Variants in SERINC1 observed in about 807,000 individuals in gnomAD.
SERINC1 encodes the protein serine incorporator 1.
Under a neutral mutation model 52.9 loss-of-function variants are expected in SERINC1, and 38 were observed. The observed-to-expected ratio is 0.72, with a 90% CI of 0.55 to 0.94. The LOEUF is 0.94. SERINC1 is among the 40% of genes least tolerant of loss of function. The probability of loss-of-function intolerance (pLI) is 0.00; values close to 1 mark genes in which losing one functional copy is unlikely to be tolerated. For synonymous variants in SERINC1, 198 were observed against 183.1 expected, an observed-to-expected ratio of 1.08 and a Z score of -0.66; for missense variants, 471 against 533.9, an observed-to-expected ratio of 0.88 and a Z score of 1.16.
chr6:122,465,164 G>C (rs1258100961), intron 1 of SERINC1, among the ~76,000 whole-genome samples: 1 of 152,118 alleles, frequency 6.6e-6, no homozygotes, highest in Non-Finnish European at 1.5e-5. Flanking sequence ...AACCTTAACA[G>C]AGAAAGCTGA....
intron 1 of SERINC1, among the ~76,000 whole-genome samples, chr6:122,460,828 T>A (rs1775088766): frequency 6.6e-6 from 1 of 152,170 alleles, no homozygotes; most frequent in African/African-American, 2.4e-5. Flanking sequence ...GTTAAGTATA[T>A]ATCACATGCT....
chr6:122,460,663 C>G lies in SERINC1; in HGVS notation c.40-1982G>C, dbSNP rs565602487. On this transcript the variant is annotated intron_variant, in intron 1 of 9. Transcript: ENST00000339697. ...AAATAAAAGTATATCCAGCGCTGATCAAGGAAAAATTTACACTGGAAAGCT... is the reference window on the plus strand; with the variant it reads ...AAATAAAAGTATATCCAGCGCTGATGAAGGAAAAATTTACACTGGAAAGCT... 2.6e-5 allele frequency among the ~76,000 whole-genome samples: 4 copies of G among 152,200 alleles called. No homozygotes were observed. In the South Asian group the frequency reaches 8.3e-4, roughly 32 times the overall value.
At chr6:122,447,083 T>G in intron 8 of SERINC1, 38 bp downstream of exon 8, 1 of 1,594,030 alleles carries the variant, frequency 6.3e-7, no homozygotes, top group Non-Finnish European at 8.6e-7. Flanking sequence ...ACAGCTAGAC[T>G]TCTTGTTTAA....
chr6:122,471,592 G>T, intron 1 of SERINC1, 107 bp downstream of exon 1: 2 of 1,371,556 alleles, frequency 1.5e-6, no homozygotes, highest in South Asian at 1.2e-5. Flanking sequence ...GGCACTCCCT[G>T]TTGGGTGGGG....
In SERINC1 at chr6:122,443,495, T is replaced by C. The variant is rs1169642004; in HGVS notation, c.*1549A>G. ...ATAAATATTTTTAAAGAAGAAATTGTAGATTTTAAAAGCTTCATTAGACAC... is the reference window on the plus strand; with the variant it reads ...ATAAATATTTTTAAAGAAGAAATTGCAGATTTTAAAAGCTTCATTAGACAC... On this transcript the variant is annotated 3_prime_UTR_variant, in exon 10 of 10. Coordinates refer to ENST00000339697, the MANE Select transcript of SERINC1 (RefSeq NM_020755.4). 2 of 152,336 alleles carry C rather than the reference T, an allele frequency of 1.3e-5. No individual in the cohort carries two copies. Among genetic ancestry groups the C allele is most frequent in the Middle Eastern group, 3.4e-3 (1 of 294 alleles). 9.4% of individuals were successfully genotyped at this position (152,336 alleles called of 1,614,324 possible).
intron 3 of SERINC1, among the ~76,000 whole-genome samples, 163 bp downstream of exon 3, chr6:122,456,318 C>T (rs887581514): frequency 6.6e-6 from 1 of 152,156 alleles, no homozygotes; most frequent in Non-Finnish European, 1.5e-5. Flanking sequence ...CAAAGTCTGA[C>T]ATTCTCCAGT....
At chr6:122,466,675 A>T (rs1488745789) in intron 1 of SERINC1, among the ~76,000 whole-genome samples, 1 of 152,172 alleles carries the variant, frequency 6.6e-6, no homozygotes, top group African/African-American at 2.4e-5. Flanking sequence ...TCAGTCAATA[A>T]AAAAATTTAA....
chr6:122,469,638 C>T (rs1775241510), intron 1 of SERINC1, among the ~76,000 whole-genome samples: 1 of 152,184 alleles, frequency 6.6e-6, no homozygotes, highest in East Asian at 1.9e-4. Flanking sequence ...CTCACTGCAA[C>T]CTCCGTCTCC....
intron 1 of SERINC1, among the ~76,000 whole-genome samples, chr6:122,465,866 T>C (rs1190550103): frequency 6.6e-6 from 1 of 152,128 alleles, no homozygotes; most frequent in African/African-American, 2.4e-5. Context: ...ACAGGGTATA[T>C]CATAAAGATA....
chr6:122,470,191 AC>A (rs1775256098), intron 1 of SERINC1, among the ~76,000 whole-genome samples: 1 of 152,142 alleles, frequency 6.6e-6, no homozygotes, highest in South Asian at 2.1e-4. Context: ...CCCGGCCAAT[AC>A]ACTTAGACCC....
chr6:122,447,297 A>G (rs1242657947), intron 7 of SERINC1, 32 bp from the exon 8 acceptor site: 1 of 1,532,666 alleles, frequency 6.5e-7, no homozygotes, highest in Admixed American at 1.8e-5. Context: ...AAATGTTAGA[A>G]TATATTAAAA....
At chr6:122,449,820 C>T (rs1774873523) in intron 7 of SERINC1, among the ~76,000 whole-genome samples, 3 of 152,286 alleles carry the variant, frequency 2.0e-5, no homozygotes, top group Admixed American at 2.0e-4. Flanking sequence ...AGTTCGAGAA[C>T]AGCCTGGCTA....
At chr6:122,451,090 AT>A (rs1774894643) in intron 7 of SERINC1, among the ~76,000 whole-genome samples, 2 of 152,136 alleles carry the variant, frequency 1.3e-5, no homozygotes, top group Admixed American at 1.3e-4. Context: ...ACAGAGAAAT[AT>A]TTTGTGAAAG....
intron 7 of SERINC1, among the ~76,000 whole-genome samples, chr6:122,448,763 T>C (rs1774853007): frequency 6.6e-6 from 1 of 151,014 alleles, no homozygotes; most frequent in African/African-American, 2.4e-5. Flanking sequence ...TACATAGACA[T>C]ACCTTGTTTT....
In SERINC1 at chr6:122,454,225, CA is replaced by C; in HGVS notation, c.376del (p.Trp126GlyfsTer30). On this transcript the variant is annotated frameshift_variant, in exon 4 of 10. Transcript: ENST00000339697. LOFTEE classifies it high-confidence loss of function. ...DPRAAVHNGFWFFKFAAAIAI... is the reference protein window; with the variant it reads ...DPRAAVHNGFXFFKFAAAIAI... ...AATTGCTGCAGCAAATTTAAAGAAC[CA>C]AAATCTAAAACAAAAAGAAATATAA... The C allele has an allele frequency of 6.5e-7, 1 of 1,537,720 alleles. No homozygotes were observed. The highest frequency in any genetic ancestry group is 8.9e-7 in the Non-Finnish European group (1 of 1,125,786).
intron 2 of SERINC1, among the ~76,000 whole-genome samples, chr6:122,457,205 C>A (rs1775013457): frequency 6.6e-6 from 1 of 152,064 alleles, no homozygotes; most frequent in African/African-American, 2.4e-5. Context: ...CTTCCTAGAA[C>A]CTATACATTT....
intron 1 of SERINC1, 118 bp downstream of exon 1, chr6:122,471,581 G>C (rs919191953): frequency 8.3e-7 from 1 of 1,206,500 alleles, no homozygotes; most frequent in Admixed American, 1.9e-5. Flanking sequence ...GGGACAGAGA[G>C]GGCACTCCCT....
intron 1 of SERINC1, among the ~76,000 whole-genome samples, chr6:122,461,359 T>A (rs1390346889): frequency 6.6e-6 from 1 of 152,042 alleles, no homozygotes; most frequent in African/African-American, 2.4e-5. Flanking sequence ...ACACTTCTAG[T>A]AAGAAACGGT....
chr6:122,462,065 T>A (rs1775114836), intron 1 of SERINC1, among the ~76,000 whole-genome samples: 1 of 152,174 alleles, frequency 6.6e-6, no homozygotes, highest in South Asian at 2.1e-4. Flanking sequence ...AAAGCAAGGC[T>A]GGTTCCACTT....
Sources: allele counts gnomAD v4.1 joint callset (sites outside exome capture counted in the v4.1 genomes callset), GRCh38; gene constraint gnomAD v4.1.1; transcripts MANE v1.5; gene names NCBI Gene and HGNC (gene_info 2026-07-23, HGNC 2026-07-21).